The following UTP15 variants were observed in gnomAD, a reference collection of about 807,000 sequenced individuals.
The protein encoded by UTP15 is UTP15 small subunit processome component, also known as U3 small nucleolar RNA-associated protein 15 homolog.
A neutral mutation model predicts 59.1 loss-of-function variants in UTP15; 5 were observed. The observed-to-expected ratio is 0.08, with a 90% CI of 0.04 to 0.18. UTP15 has a LOEUF of 0.18. UTP15 is among the 10% of genes least tolerant of loss of function. The pLI is 1.00. For synonymous variants in UTP15, 211 were observed against 212.2 expected (o/e 0.99, Z 0.05); for missense variants, 494 against 616.7 (o/e 0.80, Z 2.11).
In UTP15 at chr5:73,580,191, T is replaced by C; in HGVS notation, c.*97T>C. ...ACTCTCTTTGATACATTAAAAAAAC[T>C]GTTTGCAGAAGCAGTTCTGTGGAAG... is the stretch of plus-strand genomic sequence containing the variant. On this transcript the variant is annotated 3_prime_UTR_variant, in exon 13 of 13. Coordinates refer to ENST00000296792, the MANE Select transcript of UTP15 (RefSeq NM_032175.4). 9.2e-7 allele frequency: 1 copy of C among 1,087,080 alleles called. No individual in the cohort carries two copies. The highest frequency in any genetic ancestry group is 1.3e-6 in the Non-Finnish European group (1 of 771,842). 67.3% of individuals were successfully genotyped at this position (1,087,080 alleles called of 1,614,324 possible).
At position 73,582,446 on chromosome 5, in the gene UTP15, G is replaced by A. The variant is rs961032382; in HGVS notation, c.*2352G>A. ...GTTGTCCAGGCTGGAGTGTAGTGGT[G>A]TGATCATAGCTCACTGCAGCTTCTG... On this transcript the variant is annotated 3_prime_UTR_variant, in exon 13 of 13. Coordinates refer to ENST00000296792, the MANE Select transcript of UTP15 (RefSeq NM_032175.4). 1 of 152,224 alleles carries A rather than the reference G, an allele frequency of 6.6e-6. No homozygotes were observed. Among genetic ancestry groups the A allele is most frequent in the African/African-American group, 2.4e-5 (1 of 41,448 alleles). 9.4% of individuals were successfully genotyped at this position (152,224 alleles called of 1,614,324 possible). A position where few individuals can be genotyped will look rare whatever the true frequency, so the allele number is the denominator to read the frequency against.
rs760085057 is a variant in UTP15, at chr5:73,578,023, A to G, written c.1044+18A>G. 5.4e-5 allele frequency: 85 copies of G among 1,574,520 alleles called. No individual in the cohort carries two copies. Among genetic ancestry groups the G allele is most frequent in the South Asian group, 3.5e-4 (30 of 84,752 alleles). On this transcript the variant is annotated intron_variant, in intron 9 of 12. Coordinates refer to ENST00000296792, the MANE Select transcript of UTP15 (RefSeq NM_032175.4). Reference sequence around the variant, plus strand: ...AGCAACGGGTATTTGTGCATTTCTCATATTTGTTTAAAGGGTGAAATTTGT... The same window carrying G: ...AGCAACGGGTATTTGTGCATTTCTCGTATTTGTTTAAAGGGTGAAATTTGT...
In UTP15 at chr5:73,582,327, T is replaced by G. The variant is rs971202427; in HGVS notation, c.*2233T>G. 1 of 152,212 alleles carries G rather than the reference T, an allele frequency of 6.6e-6. No individual in the cohort carries two copies. Among genetic ancestry groups the G allele is most frequent in the African/African-American group, 2.4e-5 (1 of 41,462 alleles). 9.4% of individuals were successfully genotyped at this position (152,212 alleles called of 1,614,324 possible). A position where few individuals can be genotyped will look rare whatever the true frequency, so the allele number is the denominator to read the frequency against. On this transcript the variant is annotated 3_prime_UTR_variant, in exon 13 of 13. Transcript: ENST00000296792. The stretch of plus-strand genomic sequence containing the variant: ...CAGTTAACACATTTTTCAAACAGGT[T>G]AGGAAGCAATTCCCATAGCCATCAA...
chr5:73,577,852 T>C lies in UTP15; in HGVS notation c.895-4T>C, dbSNP rs771044723. The stretch of plus-strand genomic sequence containing the variant: ...GACTAACTTATTTTTCTAATTGTTA[T>C]TAGCATGAAGATGAGACAATAGTTG... On this transcript the variant is annotated splice_region_variant and splice_polypyrimidine_tract_variant and intron_variant, in intron 8 of 12. Coordinates refer to ENST00000296792, the MANE Select transcript of UTP15 (RefSeq NM_032175.4). 5.7e-6 allele frequency: 9 copies of C among 1,575,504 alleles called. No homozygotes were observed. Among genetic ancestry groups the C allele is most frequent in the African/African-American group, 1.4e-5 (1 of 71,766 alleles).
rs1394952156 is a variant in UTP15 at position 73,570,726 on chromosome 5, T to C, written c.673+15T>C. 2 of 1,609,576 alleles carry C rather than the reference T, an allele frequency of 1.2e-6. No individual in the cohort carries two copies. The highest frequency in any genetic ancestry group is 1.7e-6 in the Non-Finnish European group (2 of 1,178,768). On this transcript the variant is annotated intron_variant, in intron 6 of 12. Coordinates refer to ENST00000296792, the MANE Select transcript of UTP15 (RefSeq NM_032175.4). ...GGTGTCAGCAGGTACTTCTTAAAAA[T>C]AGCTTTCACCAATATTGTTGGTTTT...
At chr5:73,571,868 G>C (rs1747943043) in intron 6 of UTP15, among the ~76,000 whole-genome samples, 1 of 152,180 alleles carries the variant, frequency 6.6e-6, no homozygotes, top group South Asian at 2.1e-4. Context: ...ATGTTGAACA[G>C]GGAGAATAGA....
In UTP15 at chr5:73,579,876, G is replaced by T; in HGVS notation, c.1340-1G>T. The T allele has an allele frequency of 6.4e-7, 1 of 1,573,056 alleles. No homozygotes were observed. ...AATGTGTTTTCTTTCTCTCTTTTTA[G>T]ATATATATCTGCCTGTAATTGGTCA... On this transcript the variant is annotated splice_acceptor_variant, in intron 12 of 12. Transcript: ENST00000296792. LOFTEE classifies it high-confidence loss of function.
intron 7 of UTP15, among the ~76,000 whole-genome samples, chr5:73,573,668 C>A (rs1180396835): frequency 1.3e-5 from 2 of 151,618 alleles, no homozygotes; most frequent in African/African-American, 4.9e-5. Flanking sequence ...CCTCTGCTTC[C>A]CGGGTTCAAG....
At chr5:73,568,753 A>G (rs1175177874) in intron 4 of UTP15, 149 bp downstream of exon 4, 1 of 699,106 alleles carries the variant, frequency 1.4e-6, no homozygotes, top group Non-Finnish European at 2.2e-6. Flanking sequence ...AAGAGTGCTT[A>G]ACTTGGGTTC....
intron 4 of UTP15, 80 bp downstream of exon 4, chr5:73,568,684 A>G (rs1747851861): frequency 7.4e-7 from 1 of 1,355,306 alleles, no homozygotes; most frequent in East Asian, 2.3e-5. Context: ...GGTTAAAAAG[A>G]TAGAGATCAG....
intron 12 of UTP15, 125 bp downstream of exon 12, chr5:73,579,500 A>C: frequency 1.3e-6 from 1 of 789,418 alleles, no homozygotes; most frequent in Non-Finnish European, 2.0e-6. Context: ...ATGGATTTTC[A>C]TGGAGAAAAC....
At chr5:73,577,757 A>G (rs1358169460) in intron 8 of UTP15, 99 bp from the exon 9 acceptor site, 6 of 1,018,210 alleles carry the variant, frequency 5.9e-6, no homozygotes, top group African/African-American at 1.7e-5. Context: ...TGGTGAATGT[A>G]TGGACAAGCA....
At chr5:73,578,240 T>C in intron 9 of UTP15, 1 of 428,654 alleles carries the variant, frequency 2.3e-6, no homozygotes, top group South Asian at 3.0e-5. Flanking sequence ...TTTACTGCAT[T>C]CAAAATAATG....
At chr5:73,576,752 T>C (rs1748109646) in intron 7 of UTP15, among the ~76,000 whole-genome samples, 200 bp from the exon 8 acceptor site, 1 of 152,206 alleles carries the variant, frequency 6.6e-6, no homozygotes, top group Non-Finnish European at 1.5e-5. Context: ...GAATTACAGG[T>C]GTGAGCCACC....
intron 6 of UTP15, among the ~76,000 whole-genome samples, chr5:73,572,151 A>G (rs1747950155): frequency 6.6e-6 from 1 of 152,200 alleles, no homozygotes; most frequent in Admixed American, 6.5e-5. Flanking sequence ...CTGCAGATCT[A>G]CATTATTCAC....
At position 73,571,657 on chromosome 5, in the gene UTP15, G is replaced by A. The variant is rs538562009; in HGVS notation, c.674-832G>A. Among the ~76,000 whole-genome samples, 60 of 151,624 alleles carry A rather than the reference G, an allele frequency of 4.0e-4. No homozygotes were observed. The South Asian group carries it at 5.6e-3, about 14-fold the overall frequency. Reference sequence around the variant, plus strand: ...ATTTGATTTAAAAATAAGTTGAGGCGGGATGTGGTTGCTCACGCCTGTAAT... The same window carrying A: ...ATTTGATTTAAAAATAAGTTGAGGCAGGATGTGGTTGCTCACGCCTGTAAT... On this transcript the variant is annotated intron_variant, in intron 6 of 12. Transcript: ENST00000296792.
At chr5:73,569,765 T>A in intron 5 of UTP15, 90 bp downstream of exon 5, 1 of 1,145,244 alleles carries the variant, frequency 8.7e-7, no homozygotes, top group Non-Finnish European at 1.2e-6. Flanking sequence ...TGGAGGGGTT[T>A]AAATTTTTTT....
Position 73,579,967 on chromosome 5 carries a change from A to G in UTP15, c.1430A>G (p.Gln477Arg). ...QGLVEKEIDY[Q>R]RELLETLGMM... Reference sequence around the variant, plus strand: ...CTTGTAGAAAAAGAGATTGATTACCAAAGAGAATTGTTAGAAACCTTGGGG... The same window carrying G: ...CTTGTAGAAAAAGAGATTGATTACCGAAGAGAATTGTTAGAAACCTTGGGG... The change falls in exon 13 of 13, where the codon CAA becomes CGA. Residue 477 changes from glutamine (Q) to arginine (R), a missense_variant. By Grantham distance (43) the Gln-to-Arg change is conservative. Coordinates refer to ENST00000296792, the MANE Select transcript of UTP15 (RefSeq NM_032175.4). 1 of 1,613,902 alleles carries G rather than the reference A, an allele frequency of 6.2e-7. No homozygotes were observed. Among genetic ancestry groups the G allele is most frequent in the Non-Finnish European group, 8.5e-7 (1 of 1,179,836 alleles).
intron 10 of UTP15, 80 bp from the exon 11 acceptor site, chr5:73,578,937 A>ATATATACATAT: frequency 9.4e-6 from 15 of 1,599,442 alleles, no homozygotes; most frequent in Admixed American, 3.4e-5. Context: ...AATATTATTC[A>ATATATACATAT]AACTTGATAA....
Sources: allele counts gnomAD v4.1 joint callset (sites outside exome capture counted in the v4.1 genomes callset), GRCh38; gene constraint gnomAD v4.1.1; transcripts MANE v1.5; gene names NCBI Gene and HGNC (gene_info 2026-07-23, HGNC 2026-07-21).